The following GRID1 variants were observed in gnomAD, a reference collection of about 807,000 sequenced individuals.
GRID1 encodes glutamate ionotropic receptor delta type subunit 1.
Under a neutral mutation model 98.0 loss-of-function variants are expected in GRID1, and 28 were observed. The observed-to-expected ratio is 0.29, with a 90% CI of 0.21 to 0.39. The LOEUF (loss-of-function observed/expected upper bound fraction) is 0.39. GRID1 is among the 10% of genes least tolerant of loss of function. GRID1 has a pLI of 1.00. For synonymous variants in GRID1, 553 were observed against 538.5 expected (o/e 1.03, Z -0.37); for missense variants, 1,111 against 1,340.5 (o/e 0.83, Z 2.67).
chr10:86,216,109 G>A (rs1039935653), intron 2 of GRID1, among the ~76,000 whole-genome samples: 3 of 152,118 alleles, frequency 2.0e-5, no homozygotes, highest in African/African-American at 4.8e-5. Context: ...TTGCTCTTTG[G>A]CATTATTTGA....
At chr10:86,058,069 G>A (rs1377130897) in intron 4 of GRID1, among the ~76,000 whole-genome samples, 2 of 152,154 alleles carry the variant, frequency 1.3e-5, no homozygotes, top group Non-Finnish European at 2.9e-5. Context: ...CTTTGGGGAA[G>A]TAAAACCAGA....
intron 13 of GRID1, among the ~76,000 whole-genome samples, chr10:85,627,989 G>A (rs547510280): frequency 6.6e-6 from 1 of 152,232 alleles, no homozygotes; most frequent in Admixed American, 6.5e-5. Context: ...GTGTGTGCAT[G>A]AGTGTGTGCA....
intron 2 of GRID1, among the ~76,000 whole-genome samples, chr10:86,302,901 T>C (rs542347712): frequency 6.6e-6 from 1 of 152,324 alleles, no homozygotes; most frequent in South Asian, 2.1e-4. Flanking sequence ...AATCTGCATT[T>C]TAGCAAGATC....
At chr10:86,117,841 T>A (rs933643389) in intron 4 of GRID1, among the ~76,000 whole-genome samples, 1 of 152,186 alleles carries the variant, frequency 6.6e-6, no homozygotes, top group African/African-American at 2.4e-5. Flanking sequence ...GGGGACACAT[T>A]TACACTGTTG....
Position 85,703,580 on chromosome 10 carries a change from A to G in GRID1, c.1997+19423T>C, listed in dbSNP as rs543955792. 5.6e-4 allele frequency among the ~76,000 whole-genome samples: 85 copies of G among 152,250 alleles called. 1 individual carries two copies. The highest frequency in any genetic ancestry group is 2.0e-3 in the African/African-American group (84 of 41,566). On this transcript the variant is annotated intron_variant, in intron 12 of 15. Coordinates refer to ENST00000327946, the MANE Select transcript of GRID1 (RefSeq NM_017551.3). ...AGTATTACCTTACATAAGGAGAGAT[A>G]TGAATATATAGTTTCACTGTTAATT... is the stretch of plus-strand genomic sequence containing the variant.
chr10:86,186,941 G>C (rs1845733262), intron 3 of GRID1, among the ~76,000 whole-genome samples: 1 of 152,200 alleles, frequency 6.6e-6, no homozygotes, highest in Non-Finnish European at 1.5e-5. Flanking sequence ...AGAAGCAACT[G>C]TTCCTCTGGA....
intron 2 of GRID1, among the ~76,000 whole-genome samples, chr10:86,314,660 C>T (rs1040525345): frequency 3.9e-5 from 6 of 152,236 alleles, no homozygotes; most frequent in African/African-American, 1.4e-4. Context: ...ACAAGACCCC[C>T]TGAGGAGGCT....
chr10:85,863,565 G>A (rs1843186276), intron 6 of GRID1, among the ~76,000 whole-genome samples: 2 of 152,330 alleles, frequency 1.3e-5, no homozygotes, highest in South Asian at 4.1e-4. Context: ...AAGCCCAGGT[G>A]TTCTGGTCAG....
chr10:85,705,903 C>T (rs1406801528), intron 12 of GRID1, among the ~76,000 whole-genome samples: 1 of 152,146 alleles, frequency 6.6e-6, no homozygotes, highest in Non-Finnish European at 1.5e-5. Context: ...CTTCAATAAA[C>T]TTCAACAGCA....
intron 8 of GRID1, among the ~76,000 whole-genome samples, chr10:85,842,691 C>A (rs1422642958): frequency 1.3e-5 from 2 of 151,960 alleles, no homozygotes; most frequent in Non-Finnish European, 1.5e-5. Context: ...CAGAAGTCAA[C>A]CATGATGAAA....
chr10:86,141,343 A>C (rs912116772), intron 3 of GRID1, among the ~76,000 whole-genome samples: 1 of 152,192 alleles, frequency 6.6e-6, no homozygotes, highest in Non-Finnish European at 1.5e-5. Context: ...AAGGTGAAGA[A>C]GATAAAGACC....
At chr10:85,708,505 T>C (rs928196846) in intron 12 of GRID1, among the ~76,000 whole-genome samples, 2 of 152,030 alleles carry the variant, frequency 1.3e-5, no homozygotes, top group South Asian at 2.1e-4. Flanking sequence ...ATATGACAAA[T>C]ACTTTTCAGG....
chr10:85,754,050 C>G (rs1202328072), intron 8 of GRID1, among the ~76,000 whole-genome samples: 1 of 152,134 alleles, frequency 6.6e-6, no homozygotes, highest in African/African-American at 2.4e-5. Context: ...AAAGAAATTT[C>G]TAATTTTATC....
Position 85,724,690 on chromosome 10 carries a change from C to A in GRID1, c.1534-14G>T. On this transcript the variant is annotated splice_polypyrimidine_tract_variant and intron_variant, in intron 10 of 15. Transcript: ENST00000327946. ...CAAGTCTGCTCTCTGAAAGGCAAAG[C>A]CATCTCATTTAGACGGCAGTCCTCA... 2 of 1,599,440 alleles carry A rather than the reference C, an allele frequency of 1.3e-6. No homozygotes were observed. Among genetic ancestry groups the A allele is most frequent in the Non-Finnish European group, 1.7e-6 (2 of 1,173,880 alleles).
intron 2 of GRID1, among the ~76,000 whole-genome samples, chr10:86,305,536 C>T (rs1330559866): frequency 2.0e-5 from 3 of 152,188 alleles, no homozygotes; most frequent in Non-Finnish European, 4.4e-5. Flanking sequence ...ACTAGAATGT[C>T]TAACATCACA....
intron 2 of GRID1, among the ~76,000 whole-genome samples, chr10:86,232,465 C>T (rs900534144): frequency 1.3e-5 from 2 of 152,162 alleles, no homozygotes; most frequent in Non-Finnish European, 2.9e-5. Flanking sequence ...AGGCAGGAGT[C>T]GATACAGCCC....
At chr10:85,941,454 A>T (rs1341561624) in intron 4 of GRID1, among the ~76,000 whole-genome samples, 1 of 152,220 alleles carries the variant, frequency 6.6e-6, no homozygotes, top group African/African-American at 2.4e-5. Flanking sequence ...GATGAAAGAA[A>T]ATAAATAAAA....
chr10:86,205,251 G>A (rs1411428204), intron 3 of GRID1, among the ~76,000 whole-genome samples: 2 of 152,212 alleles, frequency 1.3e-5, no homozygotes, highest in Non-Finnish European at 2.9e-5. Flanking sequence ...ATATCACCCA[G>A]AGACAAAATG....
intron 4 of GRID1, among the ~76,000 whole-genome samples, chr10:86,022,548 CTCT>C (rs1279084726): frequency 6.6e-6 from 1 of 152,116 alleles, no homozygotes; most frequent in Non-Finnish European, 1.5e-5. Flanking sequence ...AGTTCTGACG[CTCT>C]TTTTTTTCCC....
Sources: allele counts gnomAD v4.1 joint callset (sites outside exome capture counted in the v4.1 genomes callset), GRCh38; gene constraint gnomAD v4.1.1; transcripts MANE v1.5; gene names NCBI Gene and HGNC (gene_info 2026-07-23, HGNC 2026-07-21).